TULP4: variants seen among roughly 807,000 people sequenced by gnomAD.
TULP4 encodes TUB like protein 4.
A neutral mutation model predicts 129.0 loss-of-function variants in TULP4; 16 were observed. The ratio of observed to expected loss-of-function variants is 0.12; its 90% CI spans 0.08 to 0.19. The LOEUF (loss-of-function observed/expected upper bound fraction) is 0.19. TULP4 is among the 10% of genes least tolerant of loss of function. The pLI, the probability that TULP4 is intolerant of heterozygous loss-of-function variation, is 1.00. For missense variants in TULP4, 1,842 were observed against 2,059.1 expected, an observed-to-expected ratio of 0.89 and a Z score of 2.04; for synonymous variants, 998 against 854.0, an observed-to-expected ratio of 1.17 and a Z score of -2.94.
Position 158,405,449 on chromosome 6 carries a change from A to G in TULP4, c.253-7616A>G, listed in dbSNP as rs183090650. Among the ~76,000 whole-genome samples the G allele has an allele frequency of 2.3e-4, 35 of 152,320 alleles. No individual in the cohort carries two copies. The East Asian group carries it at 6.8e-3, about 29-fold the overall frequency. On this transcript the variant is annotated intron_variant, in intron 1 of 13. Transcript: ENST00000367097. ...AGCCCAGACTATTTATTGGTGATCA[A>G]ACAGGTGTTGAGAATGTGGGGGTCA...
chr6:158,481,438 A>ATGGGATTCTGGAAATGTC, intron 8 of TULP4, 149 bp downstream of exon 8: 1 of 716,482 alleles, frequency 1.4e-6, no homozygotes, highest in Non-Finnish European at 2.5e-6. Flanking sequence ...CGACATTTCC[A>ATGGGATTCTGGAAATGTC]GAATCCCATT....
At chr6:158,449,543 C>T (rs1226582664) in intron 4 of TULP4, among the ~76,000 whole-genome samples, 1 of 151,804 alleles carries the variant, frequency 6.6e-6, no homozygotes, top group Non-Finnish European at 1.5e-5. Context: ...ATTATTATAA[C>T]TTAATATGTG....
At chr6:158,495,836 G>A (rs528089423) in intron 11 of TULP4, among the ~76,000 whole-genome samples, 3 of 147,930 alleles carry the variant, frequency 2.0e-5, no homozygotes, top group Non-Finnish European at 3.0e-5. Flanking sequence ...GCGAAACTAC[G>A]TCTCAAGAAA....
Position 158,479,827 on chromosome 6 carries a change from T to G in TULP4, c.1103T>G (p.Val368Gly). Residue 368 changes from valine to glycine, a missense_variant, in exon 7 of 14, where the codon GTG (valine) becomes GGG (glycine). Around this residue, in one of 5 missense-constraint regions of TULP4, gnomAD observed 456 missense variants for 534.3 expected, o/e 0.85. Coordinates refer to ENST00000367097, the MANE Select transcript of TULP4 (RefSeq NM_020245.5). ...LMASGPALYV[V>G]RVEHRVSSLQ... Reference sequence around the variant, plus strand: ...GCATCAGGACCAGCCCTGTACGTGGTGCGTGTGGAGCACCGGGTGTCCAGC... The same window carrying G: ...GCATCAGGACCAGCCCTGTACGTGGGGCGTGTGGAGCACCGGGTGTCCAGC... 6.2e-7 allele frequency: 1 copy of G among 1,614,110 alleles called. No individual in the cohort carries two copies.
intron 5 of TULP4, among the ~76,000 whole-genome samples, chr6:158,457,925 G>A (rs1444728153): frequency 6.7e-6 from 1 of 150,340 alleles, no homozygotes; most frequent in Non-Finnish European, 1.5e-5. Context: ...CTTCTTAAAG[G>A]AAAAAAAAAT....
chr6:158,442,865 G>A (rs1778931812), intron 3 of TULP4, among the ~76,000 whole-genome samples: 1 of 151,126 alleles, frequency 6.6e-6, no homozygotes, highest in Non-Finnish European at 1.5e-5. Flanking sequence ...GGCTCCTAGA[G>A]TGCAATGGCG....
In TULP4 at chr6:158,506,683, C is replaced by T; in HGVS notation, c.4621C>T (p.Arg1541Cys). Reference sequence around the variant, plus strand: ...AGTTGCCCTGGCCAACGTGACTCAGCGCCTCAAATGAAGAGACTGGTGTGG... The same window carrying T: ...AGTTGCCCTGGCCAACGTGACTCAGTGCCTCAAATGAAGAGACTGGTGTGG... ...FAVALANVTQRLK is the reference protein window; with the variant it reads ...FAVALANVTQCLK The change falls in exon 14 of 14, where the codon CGC becomes TGC. Residue 1541 changes from arginine (R) to cysteine (C), a missense_variant. Arg to Cys is a radical substitution (Grantham distance 180, BLOSUM62 -3). Coordinates refer to ENST00000367097, the MANE Select transcript of TULP4 (RefSeq NM_020245.5). 1 of 1,608,638 alleles carries T rather than the reference C, an allele frequency of 6.2e-7. No individual in the cohort carries two copies. Among genetic ancestry groups the T allele is most frequent in the South Asian group, 1.1e-5 (1 of 90,998 alleles).
At chr6:158,272,623 T>C (rs1345121290) in intron 1 of TULP4, among the ~76,000 whole-genome samples, 1 of 152,190 alleles carries the variant, frequency 6.6e-6, no homozygotes, top group African/African-American at 2.4e-5. Flanking sequence ...CATACCTCCA[T>C]TTTACAGTTG....
At chr6:158,473,717 C>G (rs1779745925) in intron 6 of TULP4, among the ~76,000 whole-genome samples, 1 of 151,988 alleles carries the variant, frequency 6.6e-6, no homozygotes, top group Non-Finnish European at 1.5e-5. Flanking sequence ...GACAGCGTTT[C>G]ACCATGTTGG....
At chr6:158,306,840 C>T (rs758769831) in intron 1 of TULP4, among the ~76,000 whole-genome samples, 13 of 151,892 alleles carry the variant, frequency 8.6e-5, no homozygotes, top group African/African-American at 2.9e-4. Context: ...GCTAACGTGG[C>T]GAAACCCTGT....
rs1474381509 is a variant in TULP4, at chr6:158,510,026, A to T, written c.*3332A>T. The T allele has an allele frequency of 6.6e-6, 1 of 152,550 alleles. No homozygotes were observed. The highest frequency in any genetic ancestry group is 1.5e-5 in the Non-Finnish European group (1 of 68,046). 9.4% of individuals were successfully genotyped at this position (152,550 alleles called of 1,614,324 possible). The stretch of plus-strand genomic sequence containing the variant: ...AGCAGTCCAGTAAAAGGTTAACTGT[A>T]TAAAGAATCTATGACTTTTTGAGGG... On this transcript the variant is annotated 3_prime_UTR_variant, in exon 14 of 14. Transcript: ENST00000367097.
intron 5 of TULP4, 79 bp downstream of exon 5, chr6:158,452,347 G>A (rs902736959): frequency 6.5e-7 from 1 of 1,540,400 alleles, no homozygotes. Flanking sequence ...TGTACACTCT[G>A]TGCTTACTGA....
At chr6:158,251,060 CAG>C (rs1433222866) in intron 1 of TULP4, among the ~76,000 whole-genome samples, 6 of 152,146 alleles carry the variant, frequency 3.9e-5, no homozygotes, top group East Asian at 1.9e-4. Flanking sequence ...AGGAGGCAGA[CAG>C]GGGAGGCTGG....
chr6:158,451,738 G>A (rs940541051), intron 4 of TULP4, among the ~76,000 whole-genome samples: 2 of 152,182 alleles, frequency 1.3e-5, no homozygotes, highest in African/African-American at 4.8e-5. Context: ...TTCTCTCTTA[G>A]ACCAGAATTA....
At chr6:158,298,902 A>G (rs1248034600) in intron 1 of TULP4, among the ~76,000 whole-genome samples, 1 of 152,190 alleles carries the variant, frequency 6.6e-6, no homozygotes, top group Non-Finnish European at 1.5e-5. Flanking sequence ...GTCAAGAAGA[A>G]TTATCATAAT....
chr6:158,324,319 C>A (rs1354633103), intron 1 of TULP4, among the ~76,000 whole-genome samples: 1 of 152,144 alleles, frequency 6.6e-6, no homozygotes, highest in Non-Finnish European at 1.5e-5. Context: ...AGTCTGTCTT[C>A]TTTTTTTAGA....
chr6:158,343,035 G>C (rs1387184760), intron 1 of TULP4, among the ~76,000 whole-genome samples: 2 of 151,500 alleles, frequency 1.3e-5, no homozygotes, highest in Non-Finnish European at 2.9e-5. Flanking sequence ...TAGAGAATCT[G>C]TACCCACCAC....
At chr6:158,451,055 T>C (rs142509946) in intron 4 of TULP4, among the ~76,000 whole-genome samples, 1,529 of 150,886 alleles carry the variant, frequency 0.01, 19 homozygotes, top group African/African-American at 0.035. Context: ...ACAGAGCAAG[T>C]CTCCGTTTCA....
intron 1 of TULP4, among the ~76,000 whole-genome samples, chr6:158,261,578 A>T (rs1172011792): frequency 1.5e-4 from 23 of 152,198 alleles, no homozygotes; most frequent in Non-Finnish European, 1.5e-5. Context: ...TCAAAATGAG[A>T]CAGTGATTTG....
Sources: allele counts gnomAD v4.1 joint callset (sites outside exome capture counted in the v4.1 genomes callset), GRCh38; gene constraint gnomAD v4.1.1; regional missense constraint gnomAD v4.1.1; transcripts MANE v1.5; gene names NCBI Gene and HGNC (gene_info 2026-07-23, HGNC 2026-07-21).